Variants in RPTOR observed in about 807,000 individuals in gnomAD.
RPTOR encodes regulatory-associated protein of mTOR.
Under a neutral mutation model 169.9 loss-of-function variants are expected in RPTOR, and 21 were observed. That is an observed-to-expected ratio of 0.12 (90% CI 0.09 to 0.18). The LOEUF (loss-of-function observed/expected upper bound fraction) is 0.18, where lower values mean the gene tolerates loss of function less well. RPTOR is among the 10% of genes least tolerant of loss of function. The pLI, the probability that RPTOR is intolerant of heterozygous loss-of-function variation, is 1.00. For missense variants in RPTOR, 1,133 were observed against 1,855.9 expected (o/e 0.61, Z 7.16); for synonymous variants, 732 against 753.2 (o/e 0.97, Z 0.46).
rs1009199313 is a variant in RPTOR at position 80,544,964 on chromosome 17, C to T, written c.-666C>T. On this transcript the variant is annotated 5_prime_UTR_variant, in exon 1 of 34. Coordinates refer to ENST00000306801, the MANE Select transcript of RPTOR (RefSeq NM_020761.3). The stretch of plus-strand genomic sequence containing the variant: ...GTCCCTTTCCTCCGTGGTTCCGTGT[C>T]GCCCGTTTCTCAGGACTCGTTCTCA... 4.7e-5 allele frequency: 11 copies of T among 231,852 alleles called. No individual in the cohort carries two copies. The highest frequency in any genetic ancestry group is 2.4e-4 in the African/African-American group (11 of 45,330). The allele number at this position is 231,852 out of a possible 1,614,324, so 14.4% of individuals were successfully genotyped here.
intron 6 of RPTOR, among the ~76,000 whole-genome samples, chr17:80,781,064 C>T (rs966079676): frequency 3.9e-5 from 6 of 152,130 alleles, no homozygotes; most frequent in Admixed American, 6.5e-5. Flanking sequence ...TCAGAACCTT[C>T]TGAACCTCAA....
chr17:80,643,859 C>G (rs749222696), intron 3 of RPTOR, 49 bp downstream of exon 3: 1 of 1,417,230 alleles, frequency 7.1e-7, no homozygotes, highest in South Asian at 1.2e-5. Context: ...AGGGAAACTC[C>G]AGTTCCTTGG....
rs1376183388 is a variant in RPTOR, at chr17:80,820,847, G to T, written c.891-1354G>T. Reference sequence around the variant, plus strand: ...ACCACCCACACAGCTAATGAAAGGGGCTTCTCCGTCATCCCCGTCCTGGCC... The same window carrying T: ...ACCACCCACACAGCTAATGAAAGGGTCTTCTCCGTCATCCCCGTCCTGGCC... On this transcript the variant is annotated intron_variant, in intron 7 of 33. Coordinates refer to ENST00000306801, the MANE Select transcript of RPTOR (RefSeq NM_020761.3). The surrounding 1 kb of genome is among the most constrained non-coding windows in gnomAD (Gnocchi z 4.1). Among the ~76,000 whole-genome samples, 2 of 152,178 alleles carry T rather than the reference G, an allele frequency of 1.3e-5. No individual in the cohort carries two copies. The highest frequency in any genetic ancestry group is 1.3e-4 in the Admixed American group (2 of 15,274).
At chr17:80,605,128 G>A (rs1362255205) in intron 1 of RPTOR, among the ~76,000 whole-genome samples, 2 of 152,180 alleles carry the variant, frequency 1.3e-5, no homozygotes, top group Non-Finnish European at 2.9e-5. Flanking sequence ...CTGTGGGATG[G>A]CCCATGTTTC....
intron 20 of RPTOR, 44 bp downstream of exon 20, chr17:80,893,909 T>G: frequency 6.7e-7 from 1 of 1,501,368 alleles, no homozygotes; most frequent in African/African-American, 1.4e-5. Context: ...GCCCCGAGGG[T>G]CTCCTCCCCA....
intron 2 of RPTOR, among the ~76,000 whole-genome samples, chr17:80,632,119 G>A (rs116877187): frequency 0.025 from 3,787 of 152,270 alleles, 56 homozygotes; most frequent in South Asian, 0.038. Flanking sequence ...TTTTGTGGCT[G>A]ATTTCTTCAG....
Position 80,665,525 on chromosome 17 carries a change from A to T in RPTOR, c.348+21715A>T, listed in dbSNP as rs202120700. Among the ~76,000 whole-genome samples, 109 of 29,710 alleles carry T rather than the reference A, an allele frequency of 3.7e-3. 14 individuals are homozygous for T. Among genetic ancestry groups the T allele is most frequent in the Non-Finnish European group, 6.1e-3 (68 of 11,076 alleles). 19.5% of individuals were successfully genotyped at this position (29,710 alleles called of 152,430 possible). A position where few individuals can be genotyped will look rare whatever the true frequency, so the allele number is the denominator to read the frequency against. ...TTCCATGTCCTTTCCTTTCCTTTCC[A>T]TGTCCTTTCCTTTCCTTTTCCTTTC... On this transcript the variant is annotated intron_variant, in intron 3 of 33. Coordinates refer to ENST00000306801, the MANE Select transcript of RPTOR (RefSeq NM_020761.3).
At chr17:80,743,004 T>C (rs12941240) in intron 5 of RPTOR, among the ~76,000 whole-genome samples, 83,938 of 152,012 alleles carry the variant, frequency 0.55, 23,404 homozygotes, top group African/African-American at 0.59. Flanking sequence ...GCTTCACATA[T>C]GTTCCTTTCT....
intron 3 of RPTOR, among the ~76,000 whole-genome samples, chr17:80,685,836 C>A (rs1201323069): frequency 6.6e-6 from 1 of 150,910 alleles, no homozygotes; most frequent in Non-Finnish European, 1.5e-5. Context: ...AGATGGACCC[C>A]CAGAGTCGTC....
intron 1 of RPTOR, among the ~76,000 whole-genome samples, chr17:80,620,955 G>A (rs1026270326): frequency 9.9e-5 from 15 of 152,186 alleles, no homozygotes; most frequent in African/African-American, 3.4e-4. Context: ...GAGTGTATTC[G>A]CGAGGTGCTT....
chr17:80,724,803 C>T (rs1434574614), intron 4 of RPTOR, among the ~76,000 whole-genome samples: 2 of 152,152 alleles, frequency 1.3e-5, no homozygotes, highest in Non-Finnish European at 2.9e-5. Flanking sequence ...GAGGAGGGGC[C>T]GTGGGAGAAG....
At chr17:80,840,871 ACTCT>A (rs2067635822) in intron 10 of RPTOR, among the ~76,000 whole-genome samples, 1 of 122,114 alleles carries the variant, frequency 8.2e-6, no homozygotes, top group African/African-American at 3.2e-5. Context: ...ACGGCAGCTC[ACTCT>A]CACCACACGG....
chr17:80,566,681 C>T (rs1048132415), intron 1 of RPTOR, among the ~76,000 whole-genome samples: 11 of 151,474 alleles, frequency 7.3e-5, no homozygotes, highest in Non-Finnish European at 1.3e-4. Flanking sequence ...AAAATTAGCC[C>T]AGTGAGGTGG....
intron 1 of RPTOR, among the ~76,000 whole-genome samples, chr17:80,601,392 G>T (rs1393520445): frequency 9.4e-5 from 3 of 31,934 alleles, no homozygotes; most frequent in African/African-American, 2.0e-4. Context: ...AGCGCCGGCG[G>T]GCCGCTCTCC....
chr17:80,877,880 G>A (rs1009796885), intron 13 of RPTOR, among the ~76,000 whole-genome samples: 9 of 152,134 alleles, frequency 5.9e-5, no homozygotes, highest in Non-Finnish European at 1.2e-4. Context: ...TCTCATTCCA[G>A]CAGCCCAGCC....
chr17:80,835,474 T>G (rs1453671400), intron 9 of RPTOR, among the ~76,000 whole-genome samples: 1 of 152,166 alleles, frequency 6.6e-6, no homozygotes, highest in Non-Finnish European at 1.5e-5. Context: ...AAGGAACATA[T>G]TTCTAGCAGA....
chr17:80,665,477 C>T (rs2065766634), intron 3 of RPTOR, among the ~76,000 whole-genome samples: 1 of 40,644 alleles, frequency 2.5e-5, no homozygotes, highest in African/African-American at 2.9e-4. Flanking sequence ...CCTTTCCTTT[C>T]CTTTCCTTTC....
intron 5 of RPTOR, 93 bp from the exon 6 acceptor site, chr17:80,753,917 A>C: frequency 8.5e-7 from 1 of 1,173,978 alleles, no homozygotes; most frequent in Non-Finnish European, 1.2e-6. Flanking sequence ...GAGTTGATTT[A>C]TTCTTTCCTT....
At chr17:80,617,587 AATGAATCCTAGGGCTCAGAG>A (rs1232995995) in intron 1 of RPTOR, among the ~76,000 whole-genome samples, 5 of 152,284 alleles carry the variant, frequency 3.3e-5, no homozygotes, top group African/African-American at 1.2e-4. Flanking sequence ...TGTAGAGAAA[AATGAATCCTAGGGCTCAGAG>A]CACTGCAGCA....
Sources: gnomAD v4.1 joint callset for allele counts (sites outside exome capture counted in the v4.1 genomes callset) on GRCh38, gnomAD v4.1.1 for gene constraint, Gnocchi (gnomAD v3.1) non-coding constraint, MANE v1.5 for transcripts, NCBI Gene and HGNC (gene_info 2026-07-23, HGNC 2026-07-21) for gene names.